SOS1: variants seen among roughly 807,000 people sequenced by gnomAD.
SOS1 encodes son of sevenless homolog 1.
In SOS1, 25 loss-of-function variants were observed where a neutral mutation model predicts 157.6. That is an observed-to-expected ratio of 0.16 (90% CI 0.12 to 0.22). The LOEUF is 0.22. SOS1 is among the 10% of genes least tolerant of loss of function. The pLI is 1.00. For missense variants in SOS1, 1,237 were observed against 1,599.1 expected, an observed-to-expected ratio of 0.77 and a Z score of 3.86; for synonymous variants, 528 against 534.0, an observed-to-expected ratio of 0.99 and a Z score of 0.16.
intron 17 of SOS1, among the ~76,000 whole-genome samples, chr2:39,003,712 C>G (rs369537426): frequency 9.9e-5 from 15 of 152,236 alleles, no homozygotes; most frequent in East Asian, 9.7e-4. Flanking sequence ...CATCCCCCCC[C>G]ACTCAAACTT....
chr2:39,058,540 C>A, intron 3 of SOS1, 133 bp downstream of exon 3: 1 of 901,492 alleles, frequency 1.1e-6, no homozygotes, highest in South Asian at 1.6e-5. Flanking sequence ...CCACATAAAT[C>A]TCTGGAAAAC....
intron 6 of SOS1, among the ~76,000 whole-genome samples, chr2:39,040,208 G>A (rs1162809129): frequency 6.6e-6 from 1 of 151,414 alleles, no homozygotes; most frequent in Non-Finnish European, 1.5e-5. Context: ...TAGTAGAGAT[G>A]GCGTTTCACC....
chr2:39,019,176 C>G (rs575781739), intron 10 of SOS1, among the ~76,000 whole-genome samples: 2 of 151,680 alleles, frequency 1.3e-5, no homozygotes, highest in Non-Finnish European at 3.0e-5. Context: ...AAGGGAAACA[C>G]CTTTTCCCTC....
intron 1 of SOS1, among the ~76,000 whole-genome samples, chr2:39,073,069 C>A (rs979258929): frequency 6.6e-6 from 1 of 152,180 alleles, no homozygotes; most frequent in Admixed American, 6.6e-5. Flanking sequence ...CACTTCTATT[C>A]CATGAGATAG....
chr2:39,013,795 G>A, intron 12 of SOS1, 72 bp downstream of exon 12: 1 of 1,306,720 alleles, frequency 7.7e-7, no homozygotes, highest in Admixed American at 1.7e-5. Context: ...GTTTGGGAAA[G>A]GTCCTTATAT....
At chr2:39,114,868 G>T (rs1442716789) in intron 1 of SOS1, among the ~76,000 whole-genome samples, 1 of 152,148 alleles carries the variant, frequency 6.6e-6, no homozygotes, top group East Asian at 1.9e-4. Context: ...AACATGCTAG[G>T]ATTACAGGTG....
At chr2:39,007,281 G>C in intron 15 of SOS1, 88 bp from the exon 16 acceptor site, 1 of 870,034 alleles carries the variant, frequency 1.1e-6, no homozygotes, top group Non-Finnish European at 1.9e-6. Context: ...AAATAATGTA[G>C]AGAGTAGGGG....
At chr2:39,044,864 G>GCGCGCGCGCGCGCACA (rs147443441) in intron 6 of SOS1, among the ~76,000 whole-genome samples, 1 of 147,660 alleles carries the variant, frequency 6.8e-6, no homozygotes, top group East Asian at 2.0e-4. Flanking sequence ...GCGCGCGCGC[G>GCGCGCGCGCGCGCACA]CACACACACA....
chr2:38,985,727 G>A lies in SOS1; in HGVS notation c.*97C>T, dbSNP rs1572795744. ...TGAAGAAGAGTCGTTAGTGTTTGGAGTTCTCATTTTAACTCCTCAGTGCTG... is the reference window on the plus strand; with the variant it reads ...TGAAGAAGAGTCGTTAGTGTTTGGAATTCTCATTTTAACTCCTCAGTGCTG... On this transcript the variant is annotated 3_prime_UTR_variant, in exon 23 of 23. Transcript: ENST00000402219. 5.3e-6 allele frequency: 7 copies of A among 1,319,850 alleles called. No individual in the cohort carries two copies. The East Asian group carries it at 1.4e-4, about 27-fold the overall frequency. 81.8% of individuals were successfully genotyped at this position (1,319,850 alleles called of 1,614,324 possible).
chr2:38,988,535 T>C (rs1211074518), intron 21 of SOS1, among the ~76,000 whole-genome samples: 1 of 152,172 alleles, frequency 6.6e-6, no homozygotes, highest in Non-Finnish European at 1.5e-5. Context: ...TTGTCACATG[T>C]TATAAAATAT....
At chr2:39,093,055 G>T (rs915889533) in intron 1 of SOS1, among the ~76,000 whole-genome samples, 4 of 152,118 alleles carry the variant, frequency 2.6e-5, no homozygotes, top group African/African-American at 9.7e-5. Context: ...CAAAAAATCA[G>T]TTATTAATAC....
At chr2:39,057,238 G>T (rs190516642) in intron 3 of SOS1, among the ~76,000 whole-genome samples, 95 of 152,230 alleles carry the variant, frequency 6.2e-4, no homozygotes, top group African/African-American at 2.3e-3. Context: ...TACAAAAAAT[G>T]AGAGTTAATA....
intron 17 of SOS1, among the ~76,000 whole-genome samples, chr2:39,005,711 AGAT>A (rs1287411379): frequency 1.3e-5 from 2 of 152,078 alleles, no homozygotes; most frequent in East Asian, 3.8e-4. Flanking sequence ...TAAAAAATAT[AGAT>A]GAGGAAAAGG....
upstream of SOS1, among the ~76,000 whole-genome samples, chr2:39,124,718 C>T (rs1674013540): frequency 6.6e-6 from 1 of 152,260 alleles, no homozygotes; most frequent in South Asian, 2.1e-4. Flanking sequence ...AAGTCCTTAA[C>T]CTGGTATCCA....
At chr2:39,013,677 G>T in intron 12 of SOS1, 114 bp from the exon 13 acceptor site, 1 of 928,790 alleles carries the variant, frequency 1.1e-6, no homozygotes, top group Non-Finnish European at 1.8e-6. Flanking sequence ...AATCTTATCA[G>T]TGTGCTTAAC....
chr2:39,113,326 G>A (rs1395447999), intron 1 of SOS1, among the ~76,000 whole-genome samples: 1 of 151,012 alleles, frequency 6.6e-6, no homozygotes, highest in Non-Finnish European at 1.5e-5. Flanking sequence ...GAGTAGCTGA[G>A]ACTACAGGCA....
chr2:39,113,033 T>A (rs1673498622), intron 1 of SOS1, among the ~76,000 whole-genome samples: 1 of 150,016 alleles, frequency 6.7e-6, no homozygotes, highest in Non-Finnish European at 1.5e-5. Flanking sequence ...CAAGACTCTG[T>A]CTCAAAAAAA....
chr2:39,112,725 C>A (rs539987462), intron 1 of SOS1, among the ~76,000 whole-genome samples: 3 of 152,266 alleles, frequency 2.0e-5, no homozygotes, highest in Non-Finnish European at 2.9e-5. Context: ...AAAAATTTGC[C>A]TTTCATTTCA....
chr2:39,013,810 C>A, intron 12 of SOS1, 57 bp downstream of exon 12: 1 of 1,514,286 alleles, frequency 6.6e-7, no homozygotes, highest in South Asian at 1.1e-5. Flanking sequence ...TTATATACTT[C>A]AACATTGAAA....
Sources: allele counts gnomAD v4.1 joint callset (sites outside exome capture counted in the v4.1 genomes callset), GRCh38; gene constraint gnomAD v4.1.1; transcripts MANE v1.5; gene names NCBI Gene and HGNC (gene_info 2026-07-23, HGNC 2026-07-21).